Variants in NEMP2 observed in about 807,000 individuals in gnomAD.
NEMP2 encodes UPF0571 transmembrane protein.
In NEMP2, 53 loss-of-function variants were observed where a neutral mutation model predicts 54.2. The ratio of observed to expected loss-of-function variants is 0.98; its 90% CI spans 0.78 to 1.23. NEMP2 has a LOEUF of 1.23. Ranked by LOEUF, NEMP2 falls within the 50% of genes most tolerant of loss-of-function variation. The pLI is 0.00. For missense variants in NEMP2, 455 were observed against 511.3 expected, an observed-to-expected ratio of 0.89 and a Z score of 1.06; for synonymous variants, 197 against 190.3, an observed-to-expected ratio of 1.04 and a Z score of -0.29.
chr2:190,522,791 T>A lies in NEMP2; in HGVS notation c.213+2472A>T, dbSNP rs957602548. Among the ~76,000 whole-genome samples the A allele has an allele frequency of 3.3e-5, 5 of 152,198 alleles. No individual in the cohort carries two copies. The highest frequency in any genetic ancestry group is 1.2e-4 in the African/African-American group (5 of 41,446). ...ATGATAACCCAGACATTCCTTTCTA[T>A]TGATAATAACTCTTTCAACCAATTG... On this transcript the variant is annotated intron_variant, in intron 2 of 8. Coordinates refer to ENST00000409150, the MANE Select transcript of NEMP2 (RefSeq NM_001142645.2). The surrounding 1 kb of genome is among the most constrained non-coding windows in gnomAD (Gnocchi z 5.0).
the NEMP2 span, among the ~76,000 whole-genome samples, chr2:190,473,252 T>C: frequency 1.3e-5 from 2 of 152,154 alleles, no homozygotes; most frequent in African/African-American, 4.8e-5. Context: ...ACCTTAAATA[T>C]AAATGGGCTA....
At chr2:190,437,379 G>A in the NEMP2 span, 2 of 1,614,232 alleles carry the variant, frequency 1.2e-6, no homozygotes, top group Non-Finnish European at 1.7e-6. The surrounding 1 kb of genome is among the most constrained non-coding windows in gnomAD (Gnocchi z 5.9). Context: ...ATGGCTCAGT[G>A]CTGTTTGTGG....
intron 1 of NEMP2, chr2:190,534,084 C>G: frequency 1.0e-6 from 1 of 986,158 alleles, no homozygotes; most frequent in Non-Finnish European, 1.2e-6. Flanking sequence ...AATTTTCGCT[C>G]CGATTCTGAA....
the NEMP2 span, among the ~76,000 whole-genome samples, chr2:190,545,809 A>G: frequency 6.6e-6 from 1 of 151,804 alleles, no homozygotes; most frequent in African/African-American, 2.4e-5. Context: ...TTTCTTTTTT[A>G]AAGTCAGTTC....
the NEMP2 span, among the ~76,000 whole-genome samples, chr2:190,550,876 T>G: frequency 2.0e-5 from 3 of 152,220 alleles, no homozygotes; most frequent in African/African-American, 7.2e-5. This position sits in a 1 kb window ranked among gnomAD's most constrained non-coding sequence, Gnocchi z 4.7. Context: ...TTTGTGTGGA[T>G]GCCTGGTAAC....
At chr2:190,436,212 T>C in the NEMP2 span, 1 of 1,614,100 alleles carries the variant, frequency 6.2e-7, no homozygotes, top group African/African-American at 1.3e-5. This position sits in a 1 kb window ranked among gnomAD's most constrained non-coding sequence, Gnocchi z 5.3. Context: ...AGAAACATTG[T>C]GTTAAGATAA....
At chr2:190,591,684 A>G in the NEMP2 span, among the ~76,000 whole-genome samples, 1 of 152,212 alleles carries the variant, frequency 6.6e-6, no homozygotes, top group Non-Finnish European at 1.5e-5. This position sits in a 1 kb window ranked among gnomAD's most constrained non-coding sequence, Gnocchi z 5.4. Context: ...TGCGATAGCT[A>G]CTGCTCATGG....
chr2:190,584,235 G>GT, the NEMP2 span, among the ~76,000 whole-genome samples: 3 of 152,074 alleles, frequency 2.0e-5, no homozygotes, highest in African/African-American at 7.2e-5. The surrounding 1 kb of genome is among the most constrained non-coding windows in gnomAD (Gnocchi z 4.2). Context: ...AGAGTGAAAG[G>GT]TTTTTTTCTG....
At chr2:190,563,952 A>T in the NEMP2 span, among the ~76,000 whole-genome samples, 2 of 152,244 alleles carry the variant, frequency 1.3e-5, no homozygotes, top group Non-Finnish European at 2.9e-5. This position sits in a 1 kb window ranked among gnomAD's most constrained non-coding sequence, Gnocchi z 4.3. Flanking sequence ...TTTTAAGGCT[A>T]CTAGAAAGGC....
the NEMP2 span, among the ~76,000 whole-genome samples, chr2:190,629,583 T>C: frequency 6.6e-6 from 1 of 152,314 alleles, no homozygotes; most frequent in South Asian, 2.1e-4. Context: ...GAATAATTCA[T>C]TTTAAGAAGA....
At chr2:190,472,421 C>T in the NEMP2 span, among the ~76,000 whole-genome samples, 930 of 152,054 alleles carry the variant, frequency 6.1e-3, 11 homozygotes, top group African/African-American at 0.02. Flanking sequence ...AACCACGGCA[C>T]GAGAAATAGG....
At chr2:190,476,231 T>G in the NEMP2 span, among the ~76,000 whole-genome samples, 4 of 152,056 alleles carry the variant, frequency 2.6e-5, no homozygotes, top group African/African-American at 7.2e-5. Flanking sequence ...TTAAAGAGCT[T>G]CTGCACAGCA....
the NEMP2 span, among the ~76,000 whole-genome samples, chr2:190,481,663 C>G: frequency 3.9e-5 from 6 of 152,208 alleles, no homozygotes; most frequent in Admixed American, 3.9e-4. Context: ...ATTTTCAAAG[C>G]CTAGCAGGCT....
Position 190,509,122 on chromosome 2 carries a change from C to T in NEMP2, c.*67G>A. 6.5e-7 allele frequency: 1 copy of T among 1,539,426 alleles called. No individual in the cohort carries two copies. Among genetic ancestry groups the T allele is most frequent in the Non-Finnish European group, 8.8e-7 (1 of 1,140,072 alleles). On this transcript the variant is annotated 3_prime_UTR_variant, in exon 9 of 9. Coordinates refer to ENST00000409150, the MANE Select transcript of NEMP2 (RefSeq NM_001142645.2). The surrounding 1 kb of genome is among the most constrained non-coding windows in gnomAD (Gnocchi z 6.1). ...CGTTCACTAGAACAGTTCTGCCTAA[C>T]TTTAATAGAATCCCTGCCCTTTGCC...
chr2:190,598,852 G>A, the NEMP2 span, among the ~76,000 whole-genome samples: 3 of 152,140 alleles, frequency 2.0e-5, no homozygotes, highest in Non-Finnish European at 2.9e-5. Flanking sequence ...AGTGACTAAC[G>A]TTAATATACC....
the NEMP2 span, among the ~76,000 whole-genome samples, chr2:190,590,255 T>C: frequency 1.3e-5 from 2 of 152,224 alleles, no homozygotes; most frequent in Non-Finnish European, 2.9e-5. The surrounding 1 kb of genome is among the most constrained non-coding windows in gnomAD (Gnocchi z 5.1). Flanking sequence ...CTCACTGCTG[T>C]GGACTCTTTT....
At chr2:190,430,718 GGGTACACTTCCC>G in the NEMP2 span, among the ~76,000 whole-genome samples, 66,182 of 148,432 alleles carry the variant, frequency 0.45, 15,092 homozygotes, top group Admixed American at 0.6. Flanking sequence ...ATGAGCTGTT[GGGTACACTTCCC>G]AGACGGGGTG....
the NEMP2 span, among the ~76,000 whole-genome samples, chr2:190,587,988 G>C: frequency 2.0e-5 from 3 of 152,108 alleles, no homozygotes; most frequent in Non-Finnish European, 2.9e-5. This position sits in a 1 kb window ranked among gnomAD's most constrained non-coding sequence, Gnocchi z 5.4. Context: ...ACCAGTGTGG[G>C]CAAAACCCAG....
At chr2:190,643,285 G>T in the NEMP2 span, among the ~76,000 whole-genome samples, 35,636 of 151,976 alleles carry the variant, frequency 0.23, 4,261 homozygotes, top group Middle Eastern at 0.25. Context: ...GAAGTGGAAT[G>T]GGAGTTAGGG....
Sources: gnomAD v4.1 joint callset for allele counts (sites outside exome capture counted in the v4.1 genomes callset) on GRCh38, gnomAD v4.1.1 for gene constraint, Gnocchi (gnomAD v3.1) non-coding constraint, MANE v1.5 for transcripts, NCBI Gene and HGNC (gene_info 2026-07-23, HGNC 2026-07-21) for gene names.